The following PRKCA variants were observed in gnomAD, a reference collection of about 807,000 sequenced individuals.
PRKCA encodes the protein protein kinase C alpha type.
A neutral mutation model predicts 87.0 loss-of-function variants in PRKCA; 27 were observed. That is an observed-to-expected ratio of 0.31 (90% confidence interval 0.23 to 0.43). PRKCA has a LOEUF of 0.43. PRKCA is among the 20% of genes least tolerant of loss of function. PRKCA has a pLI of 1.00. For missense variants in PRKCA, 518 were observed against 852.3 expected (o/e 0.61, Z 4.88); for synonymous variants, 329 against 311.1 (o/e 1.06, Z -0.61).
intron 5 of PRKCA, among the ~76,000 whole-genome samples, chr17:66,675,837 G>A (rs536916987): frequency 1.3e-5 from 2 of 152,286 alleles, no homozygotes; most frequent in East Asian, 3.9e-4. Context: ...GCCAGTTCTG[G>A]TTCCTCCGCG....
intron 3 of PRKCA, among the ~76,000 whole-genome samples, chr17:66,614,690 G>A (rs575888364): frequency 1.3e-5 from 2 of 152,244 alleles, no homozygotes; most frequent in Non-Finnish European, 2.9e-5. Context: ...GGCAAATACC[G>A]TGTCAAACAG....
chr17:66,536,548 C>T (rs895460325), intron 3 of PRKCA, among the ~76,000 whole-genome samples: 1 of 152,220 alleles, frequency 6.6e-6, no homozygotes, highest in Non-Finnish European at 1.5e-5. Flanking sequence ...AGGGTTGAAT[C>T]TTGGCTTCTT....
At chr17:66,603,470 A>G (rs1358161201) in intron 3 of PRKCA, among the ~76,000 whole-genome samples, 2 of 152,220 alleles carry the variant, frequency 1.3e-5, no homozygotes, top group Non-Finnish European at 2.9e-5. Context: ...TAAATAGAGC[A>G]TCTTTAGATC....
At chr17:66,725,899 A>G (rs1973735645) in intron 8 of PRKCA, among the ~76,000 whole-genome samples, 1 of 151,948 alleles carries the variant, frequency 6.6e-6, no homozygotes, top group African/African-American at 2.4e-5. Context: ...TCATTCCTGA[A>G]GGGATCCCAG....
intron 2 of PRKCA, among the ~76,000 whole-genome samples, chr17:66,432,377 A>AT (rs746067838): frequency 2.6e-5 from 4 of 152,162 alleles, no homozygotes; most frequent in Middle Eastern, 3.2e-3. Context: ...ACTACAGATC[A>AT]TTCCCCCACC....
chr17:66,566,485 T>TG (rs1441636734), intron 3 of PRKCA, among the ~76,000 whole-genome samples: 41 of 145,778 alleles, frequency 2.8e-4, no homozygotes, highest in African/African-American at 7.8e-4. Context: ...TTTTGGTTTT[T>TG]TTTTTTTTTT....
intron 8 of PRKCA, among the ~76,000 whole-genome samples, chr17:66,706,292 T>C (rs1973190508): frequency 6.6e-6 from 1 of 151,922 alleles, no homozygotes; most frequent in African/African-American, 2.4e-5. Context: ...ATCAGTGAAC[T>C]GTGACCCACA....
At chr17:66,356,154 C>G (rs7501501) in intron 2 of PRKCA, among the ~76,000 whole-genome samples, 18,291 of 152,172 alleles carry the variant, frequency 0.12, 1,478 homozygotes, top group East Asian at 0.28. Flanking sequence ...CCACCTCAGC[C>G]TCCCAAAGTG....
At chr17:66,610,971 A>G (rs188237632) in intron 3 of PRKCA, among the ~76,000 whole-genome samples, 281 of 151,976 alleles carry the variant, frequency 1.8e-3, no homozygotes, top group African/African-American at 6.2e-3. Context: ...AAGAACAAGG[A>G]CATTACAAGT....
chr17:66,346,229 T>C (rs1274800453), intron 2 of PRKCA, among the ~76,000 whole-genome samples: 1 of 151,816 alleles, frequency 6.6e-6, no homozygotes, highest in Non-Finnish European at 1.5e-5. Flanking sequence ...CTCGAGTAGC[T>C]GGGACTACAG....
chr17:66,593,161 G>A (rs1969865404), intron 3 of PRKCA, among the ~76,000 whole-genome samples: 1 of 152,206 alleles, frequency 6.6e-6, no homozygotes, highest in Non-Finnish European at 1.5e-5. Context: ...GCGTCAGGGT[G>A]AAGACTAAGC....
intron 2 of PRKCA, among the ~76,000 whole-genome samples, chr17:66,431,770 G>C (rs968652440): frequency 6.6e-6 from 1 of 152,170 alleles, no homozygotes; most frequent in Non-Finnish European, 1.5e-5. Context: ...GTTCAACCCT[G>C]GTTGCCAGCT....
intron 6 of PRKCA, 95 bp from the exon 7 acceptor site, chr17:66,688,207 T>G: frequency 6.8e-7 from 1 of 1,471,302 alleles, no homozygotes; most frequent in South Asian, 1.3e-5. Flanking sequence ...AAATATACTA[T>G]TTCTTTATCT....
chr17:66,476,192 G>A (rs1469637838), intron 2 of PRKCA, among the ~76,000 whole-genome samples: 1 of 152,136 alleles, frequency 6.6e-6, no homozygotes. Context: ...GAGTCACCAT[G>A]CCCAGCCAAT....
At chr17:66,311,900 C>G (rs550166183) in intron 2 of PRKCA, among the ~76,000 whole-genome samples, 40 of 152,308 alleles carry the variant, frequency 2.6e-4, no homozygotes, top group Admixed American at 1.9e-3. Context: ...TATGGAGAGG[C>G]TATTTATCCT....
In PRKCA at chr17:66,396,623, T is replaced by TTC. The variant is rs779049581; in HGVS notation, c.205+90504_205+90505dup. Among the ~76,000 whole-genome samples, 548 of 95,460 alleles carry TTC rather than the reference T, an allele frequency of 5.7e-3. 4 individuals carry two copies. The highest frequency in any genetic ancestry group is 0.013 in the African/African-American group (384 of 28,828). The allele number at this position is 95,460 out of a possible 152,430, so 62.6% of individuals were successfully genotyped here. ...TTCCTTGTGAATGTTCTGTCATTCA[T>TTC]TCTCTCTCTTTTTTTTTTTTTTCGT... On this transcript the variant is annotated intron_variant, in intron 2 of 16. Transcript: ENST00000413366.
chr17:66,728,876 T>C (rs1973818786), intron 8 of PRKCA, among the ~76,000 whole-genome samples: 1 of 152,228 alleles, frequency 6.6e-6, no homozygotes. Flanking sequence ...TGGGCATTCG[T>C]TGGTAGTATG....
At chr17:66,428,227 A>G (rs1230522423) in intron 2 of PRKCA, among the ~76,000 whole-genome samples, 1 of 152,162 alleles carries the variant, frequency 6.6e-6, no homozygotes, top group African/African-American at 2.4e-5. Context: ...AACCTGATAG[A>G]TTGATTTGAT....
At chr17:66,696,884 T>C (rs1475232693) in intron 8 of PRKCA, among the ~76,000 whole-genome samples, 3 of 152,226 alleles carry the variant, frequency 2.0e-5, no homozygotes, top group African/African-American at 2.4e-5. Context: ...CTTGAGTGCA[T>C]ACGTGATCGA....
Sources: allele counts gnomAD v4.1 joint callset (sites outside exome capture counted in the v4.1 genomes callset), GRCh38; gene constraint gnomAD v4.1.1; transcripts MANE v1.5; gene names NCBI Gene and HGNC (gene_info 2026-07-23, HGNC 2026-07-21).